CDH13: variants seen among roughly 807,000 people sequenced by gnomAD.
The protein encoded by CDH13 is cadherin-13.
Under a neutral mutation model 63.8 loss-of-function variants are expected in CDH13, and 24 were observed. The observed-to-expected ratio is 0.38, with a 90% CI of 0.27 to 0.53. CDH13 has a LOEUF of 0.53. Ranked by LOEUF, CDH13 falls within the 20% of genes least tolerant of loss-of-function variation. The pLI is 0.85. For synonymous variants in CDH13, 503 were observed against 355.3 expected, an observed-to-expected ratio of 1.42 and a Z score of -4.67; for missense variants, 1,049 against 903.1, an observed-to-expected ratio of 1.16 and a Z score of -2.07.
chr16:83,349,901 T>A (rs1176218173), intron 6 of CDH13, among the ~76,000 whole-genome samples: 4 of 152,006 alleles, frequency 2.6e-5, no homozygotes, highest in Non-Finnish European at 4.4e-5. Flanking sequence ...CACCTGGCCC[T>A]TGAGGTGCAT....
intron 3 of CDH13, among the ~76,000 whole-genome samples, chr16:83,058,112 A>T (rs79214612): frequency 0.049 from 7,430 of 152,332 alleles, 278 homozygotes; most frequent in Admixed American, 0.13. Flanking sequence ...GTTAAATGTC[A>T]TTCTTTAGCT....
At chr16:83,507,050 A>G (rs1256657968) in intron 7 of CDH13, among the ~76,000 whole-genome samples, 1 of 152,188 alleles carries the variant, frequency 6.6e-6, no homozygotes, top group Non-Finnish European at 1.5e-5. Context: ...TTAGATAACT[A>G]ATACACATAG....
At chr16:83,221,662 G>T (rs756329519) in intron 5 of CDH13, among the ~76,000 whole-genome samples, 6 of 149,788 alleles carry the variant, frequency 4.0e-5, no homozygotes, top group Non-Finnish European at 8.8e-5. Flanking sequence ...GAAGACGGTG[G>T]GGGGGCGGTT....
At chr16:83,032,261 T>G (rs1327212202) in intron 3 of CDH13, 43 bp downstream of exon 3, 3 of 1,496,190 alleles carry the variant, frequency 2.0e-6, no homozygotes, top group South Asian at 2.3e-5. Flanking sequence ...AGGAGGACAT[T>G]AGGTTCTGTC....
At chr16:83,046,850 T>G (rs1597216426) in intron 3 of CDH13, among the ~76,000 whole-genome samples, 1 of 152,296 alleles carries the variant, frequency 6.6e-6, no homozygotes, top group South Asian at 2.1e-4. Context: ...GGGAGGATTG[T>G]GAAATCCTTC....
chr16:83,231,591 A>G (rs1445236396), intron 5 of CDH13, among the ~76,000 whole-genome samples: 1 of 152,158 alleles, frequency 6.6e-6, no homozygotes, highest in Non-Finnish European at 1.5e-5. Flanking sequence ...GGGGTCTGCA[A>G]ACTGTGGCCT....
chr16:82,644,642 C>G lies in CDH13; in HGVS notation c.45+17505C>G, dbSNP rs1484354933. Among the ~76,000 whole-genome samples, 3 of 152,254 alleles carry G rather than the reference C, an allele frequency of 2.0e-5. No homozygotes were observed. Among genetic ancestry groups the G allele is most frequent in the African/African-American group, 7.2e-5 (3 of 41,562 alleles). On this transcript the variant is annotated intron_variant, in intron 1 of 13. Coordinates refer to ENST00000567109, the MANE Select transcript of CDH13 (RefSeq NM_001257.5). The surrounding 1 kb of genome is among the most constrained non-coding windows in gnomAD (Gnocchi z 5.7). ...ATAGGTCTCCAGTCTGTAAAAGCAA[C>G]CACGCTTTGGGCTGGGGCAGAAGTC...
At chr16:82,911,760 G>C (rs1215951796) in intron 2 of CDH13, among the ~76,000 whole-genome samples, 1 of 152,044 alleles carries the variant, frequency 6.6e-6, no homozygotes, top group Non-Finnish European at 1.5e-5. Context: ...TGTCTGCTGA[G>C]CCTAGGTCCC....
intron 7 of CDH13, among the ~76,000 whole-genome samples, chr16:83,495,592 A>G (rs2074118736): frequency 6.6e-6 from 1 of 152,194 alleles, no homozygotes; most frequent in South Asian, 2.1e-4. Context: ...TTCCCCCATA[A>G]GAGACAGCTT....
At chr16:82,809,311 T>TC (rs1215548210) in intron 1 of CDH13, among the ~76,000 whole-genome samples, 1 of 11,360 alleles carries the variant, frequency 8.8e-5, no homozygotes, top group Non-Finnish European at 2.3e-4. Context: ...GTTATTTACG[T>TC]CCAAAAAAAA....
chr16:83,606,262 G>C (rs76133372), intron 8 of CDH13, among the ~76,000 whole-genome samples: 19 of 152,016 alleles, frequency 1.2e-4, no homozygotes, highest in African/African-American at 4.6e-4. Flanking sequence ...AAGAATACAT[G>C]GTTTTTGGGA....
Position 83,602,440 on chromosome 16 carries a change from C to CT in CDH13, c.961-12dup. The CT allele has an allele frequency of 6.2e-7, 1 of 1,613,692 alleles. No individual in the cohort carries two copies. The highest frequency in any genetic ancestry group is 1.3e-5 in the African/African-American group (1 of 75,036). On this transcript the variant is annotated splice_polypyrimidine_tract_variant and intron_variant, in intron 7 of 13. Transcript: ENST00000567109. ...CTAAATGTCATATTATTTCTTTGTGCTTGTGCTTTGTAGACTCTGGAAAAT... is the reference window on the plus strand; with the variant it reads ...CTAAATGTCATATTATTTCTTTGTGCTTTGTGCTTTGTAGACTCTGGAAAAT...
chr16:83,347,500 C>G (rs112431247), intron 6 of CDH13, among the ~76,000 whole-genome samples: 9 of 152,308 alleles, frequency 5.9e-5, no homozygotes, highest in African/African-American at 2.2e-4. Flanking sequence ...CCGCTGAATT[C>G]ATGGTGAACA....
At chr16:83,085,177 CAG>C (rs1008013340) in intron 3 of CDH13, among the ~76,000 whole-genome samples, 5 of 151,500 alleles carry the variant, frequency 3.3e-5, no homozygotes, top group Non-Finnish European at 5.9e-5. Context: ...AGAATCATGA[CAG>C]GGGGCAAAAG....
chr16:83,483,966 T>A (rs1022955542), intron 6 of CDH13, among the ~76,000 whole-genome samples: 2 of 152,158 alleles, frequency 1.3e-5, no homozygotes, highest in African/African-American at 4.8e-5. Context: ...GAATGTTCTT[T>A]TCTGAAGCTG....
intron 5 of CDH13, among the ~76,000 whole-genome samples, chr16:83,341,999 A>C (rs921671616): frequency 7.1e-6 from 1 of 140,356 alleles, no homozygotes; most frequent in South Asian, 2.4e-4. Context: ...CCACACACAC[A>C]CACACACACA....
intron 1 of CDH13, among the ~76,000 whole-genome samples, chr16:82,641,591 T>G (rs1214862245): frequency 2.6e-5 from 4 of 152,326 alleles, no homozygotes; most frequent in African/African-American, 9.6e-5. Context: ...TATATTCTCA[T>G]TACTTTTCAA....
At chr16:82,755,082 G>C (rs1240382683) in intron 1 of CDH13, among the ~76,000 whole-genome samples, 2 of 152,180 alleles carry the variant, frequency 1.3e-5, no homozygotes, top group East Asian at 1.9e-4. Context: ...GCATACACAA[G>C]CATGTACACA....
chr16:82,935,882 A>G (rs1322315566), intron 2 of CDH13, among the ~76,000 whole-genome samples: 2 of 152,174 alleles, frequency 1.3e-5, no homozygotes, highest in African/African-American at 2.4e-5. Context: ...AGCTTCCTCT[A>G]TAGAGGAAGT....
Sources: gnomAD v4.1 joint callset for allele counts (sites outside exome capture counted in the v4.1 genomes callset) on GRCh38, gnomAD v4.1.1 for gene constraint, Gnocchi (gnomAD v3.1) non-coding constraint, MANE v1.5 for transcripts, NCBI Gene and HGNC (gene_info 2026-07-23, HGNC 2026-07-21) for gene names.